CHAF1B: variants seen among roughly 807,000 people sequenced by gnomAD.
CHAF1B encodes chromatin assembly factor 1 subunit B, also known as CAF-1 subunit B.
Under a neutral mutation model 60.7 loss-of-function variants are expected in CHAF1B, and 10 were observed. The ratio of observed to expected loss-of-function variants is 0.16; its 90% CI spans 0.10 to 0.28. CHAF1B has a LOEUF of 0.28. Ranked by LOEUF, CHAF1B falls within the 10% of genes least tolerant of loss-of-function variation. The pLI, the probability that CHAF1B is intolerant of heterozygous loss-of-function variation, is 1.00. For synonymous variants in CHAF1B, 261 were observed against 266.1 expected (o/e 0.98, Z 0.19); for missense variants, 558 against 708.4 (o/e 0.79, Z 2.41).
chr21:36,388,754 A>G (rs1032750665), intron 3 of CHAF1B: 11 of 152,350 alleles, frequency 7.2e-5, no homozygotes, highest in African/African-American at 2.4e-4. Flanking sequence ...GGCGTGAGCC[A>G]CCGCGCCCGG....
intron 4 of CHAF1B, among the ~76,000 whole-genome samples, chr21:36,394,000 G>C (rs1392005959): frequency 6.6e-6 from 1 of 151,638 alleles, no homozygotes; most frequent in African/African-American, 2.4e-5. Flanking sequence ...GCTGGGTTCA[G>C]GGGATTCTCC....
In CHAF1B at chr21:36,413,168, C is replaced by T; in HGVS notation, c.1346C>T (p.Pro449Leu). ...QAPAPTVIRD[P>L]PSITPAVKSP... Reference sequence around the variant, plus strand: ...CCAGCCCCAACAGTCATCAGGGACCCTCCCTCCATCACTCCTGCTGTCAAA... The same window carrying T: ...CCAGCCCCAACAGTCATCAGGGACCTTCCCTCCATCACTCCTGCTGTCAAA... Residue 449 changes from proline to leucine, a missense_variant, in exon 12 of 14, where the codon CCT becomes CTT. Pro to Leu is a moderately conservative substitution (Grantham distance 98). This residue lies in a region of CHAF1B where 233 missense variants were observed against 214.9 expected (regional missense o/e 1.08). Transcript: ENST00000314103. The T allele has an allele frequency of 3.7e-6, 6 of 1,614,080 alleles. No individual in the cohort carries two copies. Among genetic ancestry groups the T allele is most frequent in the Non-Finnish European group, 5.1e-6 (6 of 1,180,004 alleles).
At chr21:36,386,957 A>C (rs990085179) in intron 2 of CHAF1B, among the ~76,000 whole-genome samples, 6 of 152,010 alleles carry the variant, frequency 3.9e-5, no homozygotes, top group African/African-American at 1.4e-4. Context: ...CAGGTGATCC[A>C]CCCACCTTGG....
chr21:36,404,940 C>T (rs781548365), intron 8 of CHAF1B, among the ~76,000 whole-genome samples: 30 of 151,526 alleles, frequency 2.0e-4, no homozygotes, highest in Non-Finnish European at 3.4e-4. Flanking sequence ...GATGGGGTTT[C>T]GCCATGTTGG....
chr21:36,397,554 A>G (rs73902504), intron 6 of CHAF1B, 43 bp downstream of exon 6: 109,176 of 1,119,046 alleles, frequency 0.098, 6,715 homozygotes, highest in African/African-American at 0.24. Context: ...CTTTGTATTT[A>G]CTTGGAATTT....
At chr21:36,411,659 G>A in intron 11 of CHAF1B, 55 bp downstream of exon 11, 1 of 1,596,672 alleles carries the variant, frequency 6.3e-7, no homozygotes. Context: ...CTGTATCCTG[G>A]AAGACACCCC....
intron 7 of CHAF1B, among the ~76,000 whole-genome samples, chr21:36,401,807 C>T (rs1028534663): frequency 2.6e-5 from 4 of 151,714 alleles, no homozygotes; most frequent in African/African-American, 4.8e-5. Context: ...GTGGCACGAT[C>T]TTGGCTCACT....
intron 8 of CHAF1B, among the ~76,000 whole-genome samples, chr21:36,404,412 TA>T (rs1283396968): frequency 6.7e-6 from 1 of 149,646 alleles, no homozygotes; most frequent in African/African-American, 2.4e-5. Context: ...TTTTTTTTTT[TA>T]AATTATTTAT....
At chr21:36,400,855 G>A (rs2086182000) in intron 7 of CHAF1B, among the ~76,000 whole-genome samples, 1 of 152,190 alleles carries the variant, frequency 6.6e-6, no homozygotes, top group Admixed American at 6.5e-5. Context: ...CGAGGTGCGG[G>A]GAGCAAGCTG....
intron 4 of CHAF1B, among the ~76,000 whole-genome samples, chr21:36,392,550 G>T (rs1389216231): frequency 2.0e-5 from 3 of 149,890 alleles, no homozygotes; most frequent in South Asian, 2.1e-4. Context: ...GCCGGGCGGG[G>T]GCTGCCCCCC....
At chr21:36,389,796 T>TGCGCGCGCGCGC (rs1263503885) in intron 3 of CHAF1B, among the ~76,000 whole-genome samples, 3 of 109,652 alleles carry the variant, frequency 2.7e-5, no homozygotes, top group African/African-American at 1.5e-4. Flanking sequence ...TGTGTGTGTG[T>TGCGCGCGCGCGC]GTGTGCGCGC....
chr21:36,400,631 G>A (rs528548378), intron 7 of CHAF1B, among the ~76,000 whole-genome samples: 5 of 152,208 alleles, frequency 3.3e-5, no homozygotes, highest in East Asian at 3.9e-4. Context: ...ATCCCTACAC[G>A]AGGCAACAGA....
At chr21:36,389,783 G>GTC (rs2086069220) in intron 3 of CHAF1B, among the ~76,000 whole-genome samples, 1 of 130,346 alleles carries the variant, frequency 7.7e-6, no homozygotes, top group Non-Finnish European at 1.6e-5. Context: ...GTGTGTGTGT[G>GTC]TGTGTGTGTG....
intron 7 of CHAF1B, among the ~76,000 whole-genome samples, chr21:36,401,960 C>G (rs375786228): frequency 2.6e-5 from 4 of 151,928 alleles, no homozygotes; most frequent in Non-Finnish European, 5.9e-5. Flanking sequence ...AGGCTGGTCT[C>G]GTACTCCTGG....
rs991823259 is a variant in CHAF1B, at chr21:36,405,709, G to A, written c.757+2858G>A. ...GCCTCCCAAAGAGCTGGGATTACAGGTGTGAGCCACCACACCCAGGCAGAA... is the reference window on the plus strand; with the variant it reads ...GCCTCCCAAAGAGCTGGGATTACAGATGTGAGCCACCACACCCAGGCAGAA... On this transcript the variant is annotated intron_variant, in intron 8 of 13. Transcript: ENST00000314103. Among the ~76,000 whole-genome samples, 23 of 152,142 alleles carry A rather than the reference G, an allele frequency of 1.5e-4. 1 individual carries two copies. The highest frequency in any genetic ancestry group is 1.4e-3 in the Admixed American group (21 of 15,256).
Position 36,413,150 on chromosome 21 carries a change from C to T in CHAF1B, c.1328C>T (p.Pro443Leu), listed in dbSNP as rs771430207. Residue 443 changes from proline to leucine, a missense_variant, in exon 12 of 14, where the codon CCA (proline) becomes CTA (leucine). This residue lies in a region of CHAF1B where 233 missense variants were observed against 214.9 expected (regional missense o/e 1.08). Coordinates refer to ENST00000314103, the MANE Select transcript of CHAF1B (RefSeq NM_005441.3). ...CCTCAGGCCAGACAGGCCCCAGCCC[C>T]AACAGTCATCAGGGACCCTCCCTCC... ...TPPQARQAPA[P>L]TVIRDPPSIT... is the part of the protein sequence containing the mutation. 1 of 1,614,090 alleles carries T rather than the reference C, an allele frequency of 6.2e-7. No homozygotes were observed. Among genetic ancestry groups the T allele is most frequent in the Non-Finnish European group, 8.5e-7 (1 of 1,180,004 alleles).
At chr21:36,390,846 A>G (rs1420024413) in intron 3 of CHAF1B, among the ~76,000 whole-genome samples, 1 of 151,994 alleles carries the variant, frequency 6.6e-6, no homozygotes, top group East Asian at 1.9e-4. Context: ...AGTAGAGACA[A>G]GGTCTTGCTC....
intron 7 of CHAF1B, 76 bp downstream of exon 7, chr21:36,399,681 C>G: frequency 1.7e-6 from 2 of 1,184,982 alleles, no homozygotes; most frequent in South Asian, 2.5e-5. Context: ...CTCCCATACC[C>G]TTGCAGCCAA....
chr21:36,397,498 C>T lies in CHAF1B; in HGVS notation c.565C>T (p.Leu189=), dbSNP rs765730723. Residue 189 remains leucine (L), a synonymous_variant, in exon 6 of 14, where the codon CTG becomes TTG. Transcript: ENST00000314103. The stretch of plus-strand genomic sequence containing the variant: ...CCCTTTGGGTCAATATGTTGCTACT[C>T]TGAGCTGTGACAGGTAAATTCAGCT... The part of the protein sequence containing the change: ...WDPLGQYVAT[L]SCDRVLRVYS... 2 of 1,530,498 alleles carry T rather than the reference C, an allele frequency of 1.3e-6. No individual in the cohort carries two copies. Among genetic ancestry groups the T allele is most frequent in the South Asian group, 2.5e-5 (2 of 80,260 alleles). The allele number at this position is 1,530,498 out of a possible 1,614,324, so 94.8% of individuals were successfully genotyped here. A position where few individuals can be genotyped will look rare whatever the true frequency, so the allele number is the denominator to read the frequency against.
Sources: gnomAD v4.1 joint callset for allele counts (sites outside exome capture counted in the v4.1 genomes callset) on GRCh38, gnomAD v4.1.1 for gene constraint, gnomAD v4.1.1 regional missense constraint, MANE v1.5 for transcripts, NCBI Gene and HGNC (gene_info 2026-07-23, HGNC 2026-07-21) for gene names.